IGSF10: variants seen among roughly 807,000 people sequenced by gnomAD.
IGSF10 encodes the protein calvaria mechanical force protein 608.
A neutral mutation model predicts 128.2 loss-of-function variants in IGSF10; 126 were observed. The ratio of observed to expected loss-of-function variants is 0.98; its 90% CI spans 0.85 to 1.14. The LOEUF (loss-of-function observed/expected upper bound fraction) is 1.14. Among genes scored for constraint, IGSF10 ranks in the 50% most tolerant of loss-of-function variants. IGSF10 has a pLI of 0.00. For missense variants in IGSF10, 3,295 were observed against 3,149.8 expected, an observed-to-expected ratio of 1.05 and a Z score of -1.10; for synonymous variants, 1,185 against 1,146.2, an observed-to-expected ratio of 1.03 and a Z score of -0.68.
chr3:151,508,293 T>G, the IGSF10 span, among the ~76,000 whole-genome samples: 3 of 152,184 alleles, frequency 2.0e-5, no homozygotes, highest in South Asian at 6.2e-4. Flanking sequence ...GAAAGGTTTA[T>G]GGAAAGTTTT....
At chr3:151,523,398 C>T in the IGSF10 span, among the ~76,000 whole-genome samples, 2 of 152,100 alleles carry the variant, frequency 1.3e-5, no homozygotes, top group Admixed American at 6.6e-5. Context: ...GGAGACATAA[C>T]GTTACTTGAC....
At chr3:151,488,338 A>G in the IGSF10 span, among the ~76,000 whole-genome samples, 8 of 152,296 alleles carry the variant, frequency 5.3e-5, no homozygotes, top group South Asian at 1.7e-3. Context: ...AAACAAATGG[A>G]AAAACATTCC....
At chr3:151,540,531 T>C in the IGSF10 span, among the ~76,000 whole-genome samples, 632 of 152,310 alleles carry the variant, frequency 4.1e-3, 6 homozygotes, top group Non-Finnish European at 6.6e-3. Context: ...TAGTTATCCA[T>C]TCTACTTTTG....
At chr3:151,574,311 T>A in the IGSF10 span, among the ~76,000 whole-genome samples, 1 of 152,316 alleles carries the variant, frequency 6.6e-6, no homozygotes, top group African/African-American at 2.4e-5. Flanking sequence ...CTGAAGAGTG[T>A]TTTCCAGCTT....
chr3:151,480,153 T>G, the IGSF10 span, among the ~76,000 whole-genome samples: 2 of 151,738 alleles, frequency 1.3e-5, no homozygotes, highest in African/African-American at 4.8e-5. Context: ...CACTAAATCC[T>G]CCCGCCAAAC....
the IGSF10 span, among the ~76,000 whole-genome samples, chr3:151,491,645 T>C: frequency 2.0e-5 from 3 of 152,034 alleles, no homozygotes; most frequent in African/African-American, 7.2e-5. Flanking sequence ...TAGCAAGAGA[T>C]TGAGTAAGTA....
At chr3:151,508,453 G>T in the IGSF10 span, among the ~76,000 whole-genome samples, 1 of 152,080 alleles carries the variant, frequency 6.6e-6, no homozygotes, top group Non-Finnish European at 1.5e-5. Context: ...AGGAAAAAAA[G>T]TGTGGAAGAG....
the IGSF10 span, among the ~76,000 whole-genome samples, chr3:151,467,845 C>T: frequency 6.7e-6 from 1 of 150,088 alleles, no homozygotes; most frequent in African/African-American, 2.5e-5. Context: ...GATCGTGCCA[C>T]TGCATTCCAG....
chr3:151,597,495 A>T, the IGSF10 span, among the ~76,000 whole-genome samples: 1 of 152,202 alleles, frequency 6.6e-6, no homozygotes, highest in Admixed American at 6.5e-5. Flanking sequence ...AAGCCATAGA[A>T]TTACCTAACA....
chr3:151,557,745 T>G, the IGSF10 span, among the ~76,000 whole-genome samples: 2,140 of 151,726 alleles, frequency 0.014, 52 homozygotes, highest in African/African-American at 0.049. Context: ...GACTGCTTAG[T>G]TTCCCTGTGT....
the IGSF10 span, among the ~76,000 whole-genome samples, chr3:151,589,694 G>C: frequency 3.3e-5 from 5 of 152,120 alleles, no homozygotes; most frequent in Admixed American, 6.6e-5. Flanking sequence ...TAGAAAAAAG[G>C]GTTTTTGATG....
the IGSF10 span, among the ~76,000 whole-genome samples, chr3:151,595,489 ATAT>A: frequency 2.0e-5 from 3 of 149,282 alleles, no homozygotes; most frequent in East Asian, 3.9e-4. Flanking sequence ...GTGTTATATA[ATAT>A]TATATATTTA....
At chr3:151,508,232 A>T in the IGSF10 span, among the ~76,000 whole-genome samples, 1 of 152,124 alleles carries the variant, frequency 6.6e-6, no homozygotes, top group Non-Finnish European at 1.5e-5. Flanking sequence ...TTGAAGGGGT[A>T]AAAAATAGAT....
chr3:151,435,276 A>C (rs539968175), downstream of IGSF10: 2 of 152,198 alleles, frequency 1.3e-5, no homozygotes, highest in Admixed American at 1.3e-4. Flanking sequence ...GTTCTTGGAT[A>C]TAAGAAGCCC....
the IGSF10 span, among the ~76,000 whole-genome samples, chr3:151,554,407 C>G: frequency 6.6e-6 from 1 of 151,900 alleles, no homozygotes; most frequent in South Asian, 2.1e-4. Context: ...TCTTTAGTAC[C>G]AAACAACTTC....
the IGSF10 span, among the ~76,000 whole-genome samples, chr3:151,521,295 CAGTATT>C: frequency 6.6e-5 from 10 of 151,836 alleles, no homozygotes; most frequent in Admixed American, 1.3e-4. Flanking sequence ...ACTCCACTGA[CAGTATT>C]AGATCACCGA....
At chr3:151,449,701 T>A (rs1374604625) in intron 5 of IGSF10, among the ~76,000 whole-genome samples, 1 of 152,222 alleles carries the variant, frequency 6.6e-6, no homozygotes, top group African/African-American at 2.4e-5. Context: ...GATAAGCTGT[T>A]TATTAAAGGA....
At chr3:151,535,142 C>CA in the IGSF10 span, among the ~76,000 whole-genome samples, 1 of 152,088 alleles carries the variant, frequency 6.6e-6, no homozygotes, top group Non-Finnish European at 1.5e-5. Flanking sequence ...CAACATCTGA[C>CA]ACAGTGCAAA....
chr3:151,530,146 C>T, the IGSF10 span, among the ~76,000 whole-genome samples: 42 of 151,412 alleles, frequency 2.8e-4, no homozygotes, highest in African/African-American at 9.7e-4. Context: ...TAAAGCAAGA[C>T]GTCAAGATTA....
Sources: allele counts gnomAD v4.1 joint callset (sites outside exome capture counted in the v4.1 genomes callset), GRCh38; gene constraint gnomAD v4.1.1; transcripts MANE v1.5; gene names NCBI Gene and HGNC (gene_info 2026-07-23, HGNC 2026-07-21).